The following PLA2G6 variants were observed in gnomAD, a reference collection of about 807,000 sequenced individuals.
The protein encoded by PLA2G6 is phospholipase A2 group VI, also known as 85/88 kDa calcium-independent phospholipase A2.
In PLA2G6, 62 loss-of-function variants were observed where a neutral mutation model predicts 83.8. That is an observed-to-expected ratio of 0.74 (90% CI 0.60 to 0.91). The LOEUF is 0.91. PLA2G6 is among the 40% of genes least tolerant of loss of function. The probability of loss-of-function intolerance (pLI) is 0.00; values close to 1 mark genes in which losing one functional copy is unlikely to be tolerated. For synonymous variants in PLA2G6, 417 were observed against 449.8 expected, an observed-to-expected ratio of 0.93 and a Z score of 0.92; for missense variants, 944 against 1,102.0, an observed-to-expected ratio of 0.86 and a Z score of 2.03.
At chr22:38,139,799 AC>A (rs2088785848) in intron 5 of PLA2G6, 182 bp downstream of exon 5, 2 of 603,630 alleles carry the variant, frequency 3.3e-6, no homozygotes, top group African/African-American at 3.7e-5. Context: ...TACCCATGAT[AC>A]AATGATGGAG....
At chr22:38,160,761 C>T (rs1380256410) in intron 2 of PLA2G6, among the ~76,000 whole-genome samples, 1 of 152,050 alleles carries the variant, frequency 6.6e-6, no homozygotes, top group Non-Finnish European at 1.5e-5. Context: ...AGGAGAATGG[C>T]GTGAACCCAG....
chr22:38,126,074 C>T (rs1225113786), intron 10 of PLA2G6: 1 of 442,322 alleles, frequency 2.3e-6, no homozygotes, highest in East Asian at 5.0e-5. Flanking sequence ...GCATCTCCCC[C>T]TCTTCTAGCC....
chr22:38,172,985 G>A (rs1282934068), intron 1 of PLA2G6, among the ~76,000 whole-genome samples: 2 of 152,244 alleles, frequency 1.3e-5, no homozygotes, highest in African/African-American at 4.8e-5. Context: ...CTGGGACACA[G>A]GCCGACTGTG....
intron 5 of PLA2G6, 41 bp from the exon 6 acceptor site, chr22:38,135,125 G>T: frequency 7.3e-7 from 1 of 1,377,742 alleles, no homozygotes; most frequent in Non-Finnish European, 1.0e-6. Context: ...AGAAGCTAGG[G>T]TCTGCGTGGC....
intron 9 of PLA2G6, 57 bp from the exon 10 acceptor site, chr22:38,126,506 C>A: frequency 7.6e-7 from 1 of 1,312,118 alleles, no homozygotes; most frequent in South Asian, 1.2e-5. Flanking sequence ...GCCCTGCTAC[C>A]CCAGAGGTCC....
intron 5 of PLA2G6, chr22:38,137,634 G>C (rs999785999): frequency 6.6e-6 from 1 of 152,302 alleles, no homozygotes; most frequent in Non-Finnish European, 1.5e-5. Flanking sequence ...AGGAGTTCAA[G>C]ACTAGCCTGG....
At position 38,176,765 on chromosome 22, in the gene PLA2G6, C is replaced by T. The variant is rs186335367; in HGVS notation, c.-46+4899G>A. Among the ~76,000 whole-genome samples the T allele has an allele frequency of 4.7e-4, 71 of 152,272 alleles. 1 individual carries two copies. In the East Asian group the frequency reaches 6.4e-3, roughly 14 times the overall value. On this transcript the variant is annotated intron_variant, in intron 1 of 16. Transcript: ENST00000332509. ...GAAACAGGGAAGGCGCAGCCGGGCG[C>T]GGTGGCTCACACCTGTAATCCCAGC...
At chr22:38,166,999 C>T (rs1420922877) in intron 2 of PLA2G6, among the ~76,000 whole-genome samples, 1 of 151,902 alleles carries the variant, frequency 6.6e-6, no homozygotes, top group Non-Finnish European at 1.5e-5. Context: ...GAGGCCGAGG[C>T]AGGCGGATCA....
At chr22:38,116,298 G>GTGTGAA in intron 12 of PLA2G6, 87 bp from the exon 13 acceptor site, 1 of 1,434,036 alleles carries the variant, frequency 7.0e-7, no homozygotes, top group Non-Finnish European at 9.8e-7. Flanking sequence ...AGGGCCTTGG[G>GTGTGAA]TAGCAGAGTG....
chr22:38,124,183 C>T (rs558546647), intron 10 of PLA2G6, among the ~76,000 whole-genome samples: 1 of 152,156 alleles, frequency 6.6e-6, no homozygotes, highest in African/African-American at 2.4e-5. Flanking sequence ...ACTCTGTCAC[C>T]CAGGCTGGTG....
intron 2 of PLA2G6, among the ~76,000 whole-genome samples, chr22:38,153,249 C>T (rs546460280): frequency 3.9e-5 from 6 of 152,176 alleles, no homozygotes; most frequent in South Asian, 2.1e-4. Context: ...CTGGCCAACA[C>T]GGAGAATCCC....
chr22:38,136,816 G>A (rs1485789615), intron 5 of PLA2G6: 1 of 140,898 alleles, frequency 7.1e-6, no homozygotes, highest in Non-Finnish European at 1.5e-5. Context: ...GGCACTTACT[G>A]ACTGCCTGAC....
rs887886148 is a variant in PLA2G6 at position 38,111,663 on chromosome 22, G to A, written c.*498C>T. ...AGTCCAACGGGCATCCCACTCCTGC[G>A]GCCTGGGCTTTCCCAGCTGATGGGG... is the stretch of plus-strand genomic sequence containing the variant. On this transcript the variant is annotated 3_prime_UTR_variant, in exon 17 of 17. Transcript: ENST00000332509. 2.9e-5 allele frequency: 6 copies of A among 209,376 alleles called. No individual in the cohort carries two copies. Among genetic ancestry groups the A allele is most frequent in the Non-Finnish European group, 4.9e-5 (5 of 101,382 alleles). The allele number at this position is 209,376 out of a possible 1,614,324, so 13.0% of individuals were successfully genotyped here.
chr22:38,178,506 G>A (rs2090722649), intron 1 of PLA2G6, among the ~76,000 whole-genome samples: 1 of 152,162 alleles, frequency 6.6e-6, no homozygotes, highest in African/African-American at 2.4e-5. Context: ...CTAGCAGGTC[G>A]AGGCTGCAGT....
Position 38,128,276 on chromosome 22 carries a change from G to A in PLA2G6, c.1341C>T (p.Asn447=), listed in dbSNP as rs1369837875. ...TCGGGAGGCGAGGCCTACCTAGGTT[G>A]TTTAGGCTGATCGGTGGGGGCTGAG... ...ERAQPPPISL[N]NLELQDLMHI... The change falls in exon 9 of 17, where the codon AAC becomes AAT. Residue 447 remains asparagine (N), a synonymous_variant. Transcript: ENST00000332509. The surrounding 1 kb of genome is among the most constrained non-coding windows in gnomAD (Gnocchi z 4.4). The A allele has an allele frequency of 1.9e-6, 3 of 1,612,598 alleles. No individual in the cohort carries two copies. Among genetic ancestry groups the A allele is most frequent in the Non-Finnish European group, 2.5e-6 (3 of 1,179,966 alleles).
intron 2 of PLA2G6, among the ~76,000 whole-genome samples, chr22:38,160,807 C>A (rs564838425): frequency 1.3e-5 from 2 of 151,954 alleles, no homozygotes; most frequent in South Asian, 4.2e-4. Context: ...ATTGCGCCAC[C>A]GCACTCCAAC....
At position 38,145,582 on chromosome 22, in the gene PLA2G6, A is replaced by T. The variant is rs771339727; in HGVS notation, c.281T>A (p.Phe94Tyr). Residue 94 changes from phenylalanine to tyrosine, a missense_variant, in exon 3 of 17, where the codon TTC (phenylalanine) becomes TAC (tyrosine). Transcript: ENST00000332509. Reference protein sequence around the residue: ...FHQYSSQLLPFYESSPQVLHT... With the variant: ...FHQYSSQLLPYYESSPQVLHT... ...CAGGACCTGAGGGGAGCTCTCATAG[A>T]AGGGTAGCAGCTGGGAAGAATACTG... 7 of 1,613,868 alleles carry T rather than the reference A, an allele frequency of 4.3e-6. No individual in the cohort carries two copies. Among genetic ancestry groups the T allele is most frequent in the Non-Finnish European group, 5.9e-6 (7 of 1,179,894 alleles).
chr22:38,124,642 C>T (rs973365734), intron 10 of PLA2G6, among the ~76,000 whole-genome samples: 5 of 152,104 alleles, frequency 3.3e-5, no homozygotes, highest in South Asian at 4.2e-4. Context: ...CCATTCCATT[C>T]GCAATCTTTC....
chr22:38,112,635 G>C lies in PLA2G6; in HGVS notation c.2203-58C>G, dbSNP rs1000140578. On this transcript the variant is annotated intron_variant, in intron 15 of 16. Transcript: ENST00000332509. The stretch of plus-strand genomic sequence containing the variant: ...CCACACCCCGCCCGGCCCGCACCCC[G>C]CCCGGCCCTGCCCTGCACTCTCGGA... 11 of 1,370,068 alleles carry C rather than the reference G, an allele frequency of 8.0e-6. No individual in the cohort carries two copies. The South Asian group carries it at 1.2e-4, about 16-fold the overall frequency. 84.9% of individuals were successfully genotyped at this position (1,370,068 alleles called of 1,614,324 possible).
Sources: gnomAD v4.1 joint callset for allele counts (sites outside exome capture counted in the v4.1 genomes callset) on GRCh38, gnomAD v4.1.1 for gene constraint, Gnocchi (gnomAD v3.1) non-coding constraint, MANE v1.5 for transcripts, NCBI Gene and HGNC (gene_info 2026-07-23, HGNC 2026-07-21) for gene names.